Variants in RSRC1 observed in about 807,000 individuals in gnomAD.
RSRC1 encodes serine/Arginine-related protein 53.
In RSRC1, 39 loss-of-function variants were observed where a neutral mutation model predicts 49.1. The observed-to-expected ratio is 0.79, with a 90% CI of 0.61 to 1.04. The LOEUF (loss-of-function observed/expected upper bound fraction) is 1.04. Among genes scored for constraint, RSRC1 ranks in the 50% least tolerant of loss-of-function variants. The probability of loss-of-function intolerance (pLI) is 0.00; values close to 1 mark genes in which losing one functional copy is unlikely to be tolerated. For synonymous variants in RSRC1, 143 were observed against 130.8 expected (o/e 1.09, Z -0.63); for missense variants, 388 against 402.4 (o/e 0.96, Z 0.31).
chr3:158,438,550 C>G (rs139608693), intron 6 of RSRC1, among the ~76,000 whole-genome samples: 1,773 of 152,136 alleles, frequency 0.012, 33 homozygotes, highest in African/African-American at 0.039. Context: ...ACAAACCTGA[C>G]AAAAACAAGC....
intron 3 of RSRC1, among the ~76,000 whole-genome samples, chr3:158,140,303 A>G (rs1466507811): frequency 6.6e-6 from 1 of 152,266 alleles, no homozygotes; most frequent in East Asian, 1.9e-4. Flanking sequence ...CCCAGCCCTT[A>G]CCTTCCTAAA....
chr3:158,290,394 TCCCAAGTAGCTGGGACTACAGGCGC>T (rs1335765083), intron 4 of RSRC1, among the ~76,000 whole-genome samples: 1 of 151,996 alleles, frequency 6.6e-6, no homozygotes, highest in African/African-American at 2.4e-5. Flanking sequence ...TGCCTCAGCC[TCCCAAGTAGCTGGGACTACAGGCGC>T]CCGCCACCAC....
chr3:158,139,790 C>T (rs903168737), intron 3 of RSRC1, among the ~76,000 whole-genome samples: 5 of 152,044 alleles, frequency 3.3e-5, no homozygotes, highest in Admixed American at 2.0e-4. Context: ...TGTGCCACCA[C>T]GCCCAGCTAA....
chr3:158,151,729 A>G (rs1717548954), intron 3 of RSRC1, among the ~76,000 whole-genome samples: 1 of 152,164 alleles, frequency 6.6e-6, no homozygotes, highest in African/African-American at 2.4e-5. Context: ...TGATATGTAA[A>G]TGCTACCCTT....
intron 3 of RSRC1, among the ~76,000 whole-genome samples, chr3:158,127,017 A>G (rs1324762568): frequency 6.6e-6 from 1 of 152,026 alleles, no homozygotes; most frequent in Non-Finnish European, 1.5e-5. Context: ...TCCCTTGTGT[A>G]TGACGATTTA....
intron 3 of RSRC1, among the ~76,000 whole-genome samples, chr3:158,127,617 G>C (rs1031101239): frequency 3.3e-5 from 5 of 151,456 alleles, no homozygotes; most frequent in Non-Finnish European, 5.9e-5. Context: ...TTCTTTTTTG[G>C]ATCATTGAGC....
chr3:158,223,594 T>TTTTTG (rs1722347190), intron 4 of RSRC1, among the ~76,000 whole-genome samples: 1 of 151,246 alleles, frequency 6.6e-6, no homozygotes, highest in Non-Finnish European at 1.5e-5. Flanking sequence ...TTCCTGATTT[T>TTTTTG]TTTTTTTGCT....
intron 7 of RSRC1, among the ~76,000 whole-genome samples, chr3:158,484,781 T>A (rs1361889951): frequency 6.6e-6 from 1 of 152,082 alleles, no homozygotes; most frequent in Non-Finnish European, 1.5e-5. Flanking sequence ...CTAATTGTGG[T>A]GAACTTTAAA....
At chr3:158,173,628 G>A (rs1719014017) in intron 3 of RSRC1, among the ~76,000 whole-genome samples, 1 of 152,036 alleles carries the variant, frequency 6.6e-6, no homozygotes, top group East Asian at 1.9e-4. Flanking sequence ...AGAAATGTAT[G>A]AAAACATTTA....
intron 5 of RSRC1, among the ~76,000 whole-genome samples, chr3:158,317,819 C>A (rs1728545751): frequency 1.3e-5 from 2 of 151,998 alleles, no homozygotes; most frequent in African/African-American, 4.8e-5. Flanking sequence ...CTTGGGCTCC[C>A]AAAGTGCTGG....
chr3:158,188,702 A>G (rs927449427), intron 3 of RSRC1, among the ~76,000 whole-genome samples: 11 of 151,958 alleles, frequency 7.2e-5, no homozygotes, highest in Non-Finnish European at 1.3e-4. Context: ...ATTTAACTCT[A>G]ATACTGATTA....
chr3:158,207,666 C>CAGAG (rs766633295), intron 4 of RSRC1, among the ~76,000 whole-genome samples: 5 of 31,062 alleles, frequency 1.6e-4, no homozygotes, highest in East Asian at 2.5e-3. Context: ...GATAGATAGA[C>CAGAG]AGAGAGACAG....
intron 5 of RSRC1, among the ~76,000 whole-genome samples, chr3:158,338,968 A>T (rs752399997): frequency 6.6e-6 from 1 of 152,218 alleles, no homozygotes; most frequent in Non-Finnish European, 1.5e-5. Context: ...TTATAAGCAT[A>T]TGATAAATAA....
chr3:158,389,166 C>T (rs890270485), intron 6 of RSRC1, among the ~76,000 whole-genome samples: 1 of 152,150 alleles, frequency 6.6e-6, no homozygotes, highest in Admixed American at 6.5e-5. Context: ...ACGTTTTATT[C>T]TTCCAATACA....
chr3:158,417,448 G>T (rs1444841704), intron 6 of RSRC1, among the ~76,000 whole-genome samples: 7 of 151,878 alleles, frequency 4.6e-5, no homozygotes. Context: ...TCCTACCTCT[G>T]TGGAAAAAAT....
intron 4 of RSRC1, among the ~76,000 whole-genome samples, chr3:158,292,988 C>T (rs1000765454): frequency 1.3e-5 from 2 of 152,058 alleles, no homozygotes; most frequent in South Asian, 2.1e-4. Flanking sequence ...ATATGTCATA[C>T]TGTTTTGTGT....
At chr3:158,150,396 C>G (rs1261552195) in intron 3 of RSRC1, among the ~76,000 whole-genome samples, 1 of 152,124 alleles carries the variant, frequency 6.6e-6, no homozygotes, top group Non-Finnish European at 1.5e-5. Flanking sequence ...CTGAGTATTT[C>G]TGACTTGAAC....
chr3:158,213,651 T>C (rs1407690540), intron 4 of RSRC1, among the ~76,000 whole-genome samples: 1 of 151,938 alleles, frequency 6.6e-6, no homozygotes, highest in East Asian at 1.9e-4. Flanking sequence ...TTGGCCCCTG[T>C]GGATATGCCA....
At chr3:158,506,023 C>T (rs1479920010) in intron 7 of RSRC1, among the ~76,000 whole-genome samples, 1 of 152,052 alleles carries the variant, frequency 6.6e-6, no homozygotes, top group Non-Finnish European at 1.5e-5. Context: ...GGAAATACTA[C>T]AGGACAATGA....
Sources: allele counts gnomAD v4.1 joint callset (sites outside exome capture counted in the v4.1 genomes callset), GRCh38; gene constraint gnomAD v4.1.1; transcripts MANE v1.5; gene names NCBI Gene and HGNC (gene_info 2026-07-23, HGNC 2026-07-21).